The following ETV1 variants were observed in gnomAD, a reference collection of about 807,000 sequenced individuals.
ETV1 encodes the protein ETS translocation variant 1.
ETV1 carries 27 observed loss-of-function variants against 62.3 expected under a neutral mutation model. That is an observed-to-expected ratio of 0.43 (90% confidence interval 0.32 to 0.60). The LOEUF (loss-of-function observed/expected upper bound fraction) is 0.60, where lower values mean the gene tolerates loss of function less well. ETV1 is among the 20% of genes least tolerant of loss of function. ETV1 has a pLI of 0.06. For missense variants in ETV1, 605 were observed against 605.8 expected, an observed-to-expected ratio of 1.00 and a Z score of 0.01; for synonymous variants, 222 against 199.6, an observed-to-expected ratio of 1.11 and a Z score of -0.94.
intron 13 of ETV1, among the ~76,000 whole-genome samples, chr7:13,896,755 A>AG (rs1491149420): frequency 1.2e-4 from 18 of 147,054 alleles, no homozygotes; most frequent in African/African-American, 4.5e-4. Flanking sequence ...AAAGAAAGAA[A>AG]GAAAGAAAGA....
intron 5 of ETV1, among the ~76,000 whole-genome samples, chr7:13,982,129 C>T (rs1034645157): frequency 3.3e-5 from 5 of 151,990 alleles, no homozygotes; most frequent in South Asian, 2.1e-4. Context: ...AAGTTTTAGT[C>T]GTTGTGTCAA....
intron 6 of ETV1, among the ~76,000 whole-genome samples, chr7:13,954,761 A>G (rs1020997024): frequency 1.3e-5 from 2 of 152,132 alleles, no homozygotes; most frequent in African/African-American, 4.8e-5. Context: ...ATGTCACCCT[A>G]CTGAAGACAT....
intron 11 of ETV1, 76 bp from the exon 12 acceptor site, chr7:13,906,675 C>T: frequency 8.9e-7 from 1 of 1,128,688 alleles, no homozygotes; most frequent in East Asian, 2.7e-5. Context: ...TTAAATCAAT[C>T]ACTAATATGG....
intron 6 of ETV1, among the ~76,000 whole-genome samples, chr7:13,963,377 A>G (rs1790410511): frequency 1.3e-5 from 2 of 152,152 alleles, no homozygotes; most frequent in African/African-American, 2.4e-5. Flanking sequence ...TAAAGAGTCT[A>G]AAACTGCTAT....
chr7:13,983,233 A>G (rs1782181189), intron 5 of ETV1, among the ~76,000 whole-genome samples: 1 of 152,048 alleles, frequency 6.6e-6, no homozygotes, highest in Non-Finnish European at 1.5e-5. Context: ...GAAACAAAAT[A>G]ACAGTCAAGA....
intron 13 of ETV1, among the ~76,000 whole-genome samples, chr7:13,897,339 T>C (rs1447325659): frequency 6.6e-6 from 1 of 152,208 alleles, no homozygotes; most frequent in Non-Finnish European, 1.5e-5. Flanking sequence ...GGTTATAAAG[T>C]ATTGTTATAT....
At chr7:13,897,031 T>G (rs900058386) in intron 13 of ETV1, among the ~76,000 whole-genome samples, 1 of 151,976 alleles carries the variant, frequency 6.6e-6, no homozygotes, top group African/African-American at 2.4e-5. Flanking sequence ...TTATAGGGTA[T>G]GACATACCCC....
At chr7:13,950,809 G>A (rs1361010955) in intron 6 of ETV1, among the ~76,000 whole-genome samples, 2 of 151,892 alleles carry the variant, frequency 1.3e-5, no homozygotes, top group South Asian at 2.1e-4. Context: ...TTGTTTCAGA[G>A]TGGTTGCAAA....
At chr7:13,904,907 G>C (rs1782801548) in intron 12 of ETV1, among the ~76,000 whole-genome samples, 1 of 149,626 alleles carries the variant, frequency 6.7e-6, no homozygotes, top group Non-Finnish European at 1.5e-5. Context: ...TTCTTTGACA[G>C]CTAAGTTAAT....
chr7:13,928,885 G>A (rs1044475469), intron 9 of ETV1, among the ~76,000 whole-genome samples: 1 of 152,004 alleles, frequency 6.6e-6, no homozygotes, highest in Admixed American at 6.5e-5. Flanking sequence ...TTGGACCCGG[G>A]GGTCGGAGGT....
At chr7:13,975,088 T>C (rs1781291080) in intron 6 of ETV1, 1 of 152,250 alleles carries the variant, frequency 6.6e-6, no homozygotes, top group Admixed American at 6.5e-5. Context: ...CAGACATGTC[T>C]AAATTTAAAA....
chr7:13,909,517 A>G (rs1783346568), intron 11 of ETV1, 115 bp downstream of exon 11: 4 of 763,502 alleles, frequency 5.2e-6, no homozygotes, highest in Middle Eastern at 4.7e-4. Flanking sequence ...TAAGTGCATG[A>G]TGAATTATGT....
intron 9 of ETV1, among the ~76,000 whole-genome samples, chr7:13,929,518 C>T (rs181180782): frequency 6.6e-6 from 1 of 152,280 alleles, no homozygotes; most frequent in East Asian, 1.9e-4. Flanking sequence ...CAGATCCTGA[C>T]ACACCCCACT....
At chr7:13,923,217 C>A (rs6947274) in intron 9 of ETV1, among the ~76,000 whole-genome samples, 7,086 of 152,106 alleles carry the variant, frequency 0.047, 577 homozygotes, top group African/African-American at 0.16. Flanking sequence ...GCTCCATTAC[C>A]CAATTATTTA....
chr7:13,894,187 CTT>C lies in ETV1; in HGVS notation c.*1677_*1678del, dbSNP rs1453526186. 4.4e-6 allele frequency: 1 copy of C among 225,860 alleles called. No homozygotes were observed. Among genetic ancestry groups the C allele is most frequent in the Admixed American group, 5.8e-5 (1 of 17,174 alleles). 14.0% of individuals were successfully genotyped at this position (225,860 alleles called of 1,614,324 possible). On this transcript the variant is annotated 3_prime_UTR_variant, in exon 14 of 14. Transcript: ENST00000430479. Reference sequence around the variant, plus strand: ...TTTTTTTTGCTTTTTGCTATAGACTCTTTAAAAAAGTTGTTCTTCTGGATATT... The same window carrying C: ...TTTTTTTTGCTTTTTGCTATAGACTCTAAAAAAGTTGTTCTTCTGGATATT...
intron 12 of ETV1, among the ~76,000 whole-genome samples, chr7:13,901,858 T>C (rs927524031): frequency 2.0e-5 from 3 of 152,158 alleles, no homozygotes; most frequent in Admixed American, 2.0e-4. Flanking sequence ...TCTACTCTGT[T>C]GTTTAATAAA....
chr7:13,945,505 A>AT (rs1788050295), intron 6 of ETV1, among the ~76,000 whole-genome samples: 1 of 152,050 alleles, frequency 6.6e-6, no homozygotes, highest in South Asian at 2.1e-4. Context: ...TGGCAAAAAA[A>AT]ATTTTTTTTT....
intron 7 of ETV1, among the ~76,000 whole-genome samples, chr7:13,936,176 G>A (rs1012043700): frequency 1.3e-5 from 2 of 152,142 alleles, no homozygotes; most frequent in Non-Finnish European, 2.9e-5. Flanking sequence ...GGAAAATTAC[G>A]TCCAAAAAAG....
Position 13,894,803 on chromosome 7 carries a change from C to T in ETV1, c.*1063G>A, listed in dbSNP as rs1781626444. 4.3e-6 allele frequency: 1 copy of T among 232,686 alleles called. No homozygotes were observed. The highest frequency in any genetic ancestry group is 6.1e-5 in the East Asian group (1 of 16,348). 14.4% of individuals were successfully genotyped at this position (232,686 alleles called of 1,614,324 possible). On this transcript the variant is annotated 3_prime_UTR_variant, in exon 14 of 14. Transcript: ENST00000430479. Reference sequence around the variant, plus strand: ...ATATTTATATATGTTATCAACATAACACAGCAGTAAAAGGTTTAAATGCAT... The same window carrying T: ...ATATTTATATATGTTATCAACATAATACAGCAGTAAAAGGTTTAAATGCAT...
Sources: gnomAD v4.1 joint callset for allele counts (sites outside exome capture counted in the v4.1 genomes callset) on GRCh38, gnomAD v4.1.1 for gene constraint, MANE v1.5 for transcripts, NCBI Gene and HGNC (gene_info 2026-07-23, HGNC 2026-07-21) for gene names.